TOX: variants seen among roughly 807,000 people sequenced by gnomAD.
TOX encodes thymocyte selection associated high mobility group box.
Under a neutral mutation model 53.7 loss-of-function variants are expected in TOX, and 11 were observed. That is an observed-to-expected ratio of 0.20 (90% confidence interval 0.13 to 0.34). The LOEUF (loss-of-function observed/expected upper bound fraction) is 0.34. Among genes scored for constraint, TOX ranks in the 10% least tolerant of loss-of-function variants. The pLI is 1.00. For synonymous variants in TOX, 225 were observed against 245.3 expected (o/e 0.92, Z 0.77); for missense variants, 570 against 664.6 (o/e 0.86, Z 1.56).
chr8:59,074,406 C>T (rs1466955548), intron 1 of TOX, among the ~76,000 whole-genome samples: 1 of 152,110 alleles, frequency 6.6e-6, no homozygotes, highest in African/African-American at 2.4e-5. Flanking sequence ...TCATTCAATA[C>T]TGATTGAATG....
intron 6 of TOX, among the ~76,000 whole-genome samples, chr8:58,816,428 G>C (rs563054787): frequency 1.1e-4 from 17 of 152,042 alleles, no homozygotes; most frequent in African/African-American, 4.1e-4. Flanking sequence ...AATTTTTTCC[G>C]CACCTTCATA....
At chr8:58,842,629 T>C (rs1810664108) in intron 4 of TOX, among the ~76,000 whole-genome samples, 1 of 152,170 alleles carries the variant, frequency 6.6e-6, no homozygotes, top group African/African-American at 2.4e-5. Flanking sequence ...GGGCTTTAGA[T>C]CTACTGGAAG....
At chr8:58,825,816 C>G (rs1810356052) in intron 6 of TOX, among the ~76,000 whole-genome samples, 1 of 151,846 alleles carries the variant, frequency 6.6e-6, no homozygotes, top group Non-Finnish European at 1.5e-5. Context: ...TTGGTATCAA[C>G]AGAAAATATA....
chr8:58,973,067 C>T (rs1363235848), intron 1 of TOX, among the ~76,000 whole-genome samples: 1 of 152,092 alleles, frequency 6.6e-6, no homozygotes, highest in Non-Finnish European at 1.5e-5. Context: ...ATTAAATTAT[C>T]CAACATTTAT....
At chr8:59,049,682 G>T (rs1320992088) in intron 1 of TOX, among the ~76,000 whole-genome samples, 1 of 152,110 alleles carries the variant, frequency 6.6e-6, no homozygotes. Flanking sequence ...CTTGTAAAAA[G>T]ATTTCAATAG....
At chr8:58,937,316 T>C (rs746114795) in intron 3 of TOX, among the ~76,000 whole-genome samples, 2 of 152,228 alleles carry the variant, frequency 1.3e-5, no homozygotes, top group Non-Finnish European at 2.9e-5. Flanking sequence ...GGAAACATCA[T>C]GTTGAGGCAA....
At chr8:59,095,241 TTG>T (rs1804695337) in intron 1 of TOX, among the ~76,000 whole-genome samples, 3 of 151,180 alleles carry the variant, frequency 2.0e-5, no homozygotes, top group Non-Finnish European at 2.9e-5. Flanking sequence ...TCTAAAAGAG[TTG>T]TTTTTTTTTT....
intron 1 of TOX, among the ~76,000 whole-genome samples, chr8:58,997,383 G>A (rs370480451): frequency 6.6e-6 from 1 of 152,140 alleles, no homozygotes; most frequent in African/African-American, 2.4e-5. Context: ...AACTATTTAC[G>A]TGCACTTGCG....
intron 3 of TOX, among the ~76,000 whole-genome samples, chr8:58,886,692 C>T (rs918814088): frequency 4.6e-5 from 7 of 151,880 alleles, no homozygotes; most frequent in African/African-American, 1.7e-4. Flanking sequence ...TTGAATTACC[C>T]TATTGTTTGC....
intron 1 of TOX, among the ~76,000 whole-genome samples, chr8:59,073,084 C>G (rs551378545): frequency 6.6e-6 from 1 of 152,154 alleles, no homozygotes; most frequent in South Asian, 2.1e-4. Context: ...AAGGTAAAGC[C>G]CAATCTCCAC....
At chr8:58,836,538 G>T (rs1317411997) in intron 5 of TOX, among the ~76,000 whole-genome samples, 1 of 152,086 alleles carries the variant, frequency 6.6e-6, no homozygotes, top group African/African-American at 2.4e-5. Flanking sequence ...GCTCCATATG[G>T]CAGGCCTGTG....
At position 59,009,370 on chromosome 8, in the gene TOX, C is replaced by T. The variant is rs77754812; in HGVS notation, c.103-49362G>A. On this transcript the variant is annotated intron_variant, in intron 1 of 8. Transcript: ENST00000361421. Reference sequence around the variant, plus strand: ...TTCCCTCCTTTCTTTCTCTCTTTCTCTCTTTCTTTCTTTCTTTTTTTTGAC... The same window carrying T: ...TTCCCTCCTTTCTTTCTCTCTTTCTTTCTTTCTTTCTTTCTTTTTTTTGAC... Among the ~76,000 whole-genome samples the T allele has an allele frequency of 3.5e-3, 525 of 149,386 alleles. 2 individuals carry two copies. The highest frequency in any genetic ancestry group is 0.012 in the African/African-American group (505 of 40,472).
At position 58,860,848 on chromosome 8, in the gene TOX, T is replaced by C. The variant is rs1469624463; in HGVS notation, c.412-9043A>G. ...CAAAGTTCAAAAACATTTTAACGTA[T>C]AAAAAGGTATTCCAGTTCATAGGAC... On this transcript the variant is annotated intron_variant, in intron 3 of 8. Coordinates refer to ENST00000361421, the MANE Select transcript of TOX (RefSeq NM_014729.3). Among the ~76,000 whole-genome samples, 3 of 152,332 alleles carry C rather than the reference T, an allele frequency of 2.0e-5. No homozygotes were observed. In the East Asian group the frequency reaches 5.8e-4, roughly 29 times the overall value.
intron 3 of TOX, among the ~76,000 whole-genome samples, chr8:58,900,342 A>G (rs1811714530): frequency 6.6e-6 from 1 of 152,186 alleles, no homozygotes; most frequent in Non-Finnish European, 1.5e-5. Context: ...ACACACAAGT[A>G]GATGAATACA....
intron 7 of TOX, among the ~76,000 whole-genome samples, chr8:58,812,345 T>C (rs1810095093): frequency 6.6e-6 from 1 of 152,138 alleles, no homozygotes. Flanking sequence ...ACCTTGCCCC[T>C]ACCTCTCTCT....
intron 3 of TOX, among the ~76,000 whole-genome samples, chr8:58,878,152 CT>C (rs1811317333): frequency 6.6e-6 from 1 of 151,644 alleles, no homozygotes; most frequent in South Asian, 2.1e-4. Flanking sequence ...ATTCTTTTCC[CT>C]TTTTTATAGG....
intron 1 of TOX, among the ~76,000 whole-genome samples, chr8:59,086,467 T>C (rs1391145037): frequency 6.6e-6 from 1 of 152,176 alleles, no homozygotes; most frequent in Admixed American, 6.5e-5. Flanking sequence ...TTTTGCTAAA[T>C]AGACTCCCAT....
intron 5 of TOX, among the ~76,000 whole-genome samples, chr8:58,830,966 G>C (rs964486373): frequency 1.3e-5 from 2 of 152,168 alleles, no homozygotes; most frequent in African/African-American, 4.8e-5. Flanking sequence ...GTTAGAGCAA[G>C]TGCATCTATA....
intron 3 of TOX, among the ~76,000 whole-genome samples, chr8:58,937,067 C>T (rs765287978): frequency 2.0e-5 from 3 of 152,126 alleles, no homozygotes; most frequent in Admixed American, 6.5e-5. Context: ...CGGGCATTTG[C>T]TGGAGTCGCT....
Sources: gnomAD v4.1 joint callset for allele counts (sites outside exome capture counted in the v4.1 genomes callset) on GRCh38, gnomAD v4.1.1 for gene constraint, MANE v1.5 for transcripts, NCBI Gene and HGNC (gene_info 2026-07-23, HGNC 2026-07-21) for gene names.